Variants in TEP1 observed in about 807,000 individuals in gnomAD.
TEP1 encodes telomerase associated protein 1.
Under a neutral mutation model 306.3 loss-of-function variants are expected in TEP1, and 241 were observed. The observed-to-expected ratio is 0.79, with a 90% CI of 0.71 to 0.88. TEP1 has a LOEUF of 0.88. Among genes scored for constraint, TEP1 ranks in the 40% least tolerant of loss-of-function variants. The probability of loss-of-function intolerance (pLI) is 0.00; values close to 1 mark genes in which losing one functional copy is unlikely to be tolerated. For synonymous variants in TEP1, 1,289 were observed against 1,305.5 expected (o/e 0.99, Z 0.27); for missense variants, 3,051 against 3,276.1 (o/e 0.93, Z 1.68).
Position 20,386,513 on chromosome 14 carries a change from T to C in TEP1, c.2795A>G (p.His932Arg). The C allele has an allele frequency of 6.2e-7, 1 of 1,612,856 alleles. No homozygotes were observed. Among genetic ancestry groups the C allele is most frequent in the Non-Finnish European group, 8.5e-7 (1 of 1,179,418 alleles). The part of the protein sequence containing the change: ...LPALQARAAP[H>R]RISLHGIDLR... ...GTCGATTCCGTGAAGGCTGATACGG[T>C]GAGGGGCCGCTCGGGCCTGCAGTGC... Residue 932 changes from histidine (H) to arginine (R), a missense_variant, in exon 19 of 55, where the codon CAC becomes CGC. His to Arg is a conservative substitution (Grantham distance 29). Transcript: ENST00000262715.
In TEP1 at chr14:20,406,220, CTTGAA is replaced by C; in HGVS notation, c.735+8_735+12del. The stretch of plus-strand genomic sequence containing the variant: ...CACCATTATTAACCTTCCCCTAACT[CTTGAA>C]TTTTTACCTTCTTTTCCTGAAGGAC... On this transcript the variant is annotated splice_region_variant and intron_variant, in intron 3 of 54. Coordinates refer to ENST00000262715, the MANE Select transcript of TEP1 (RefSeq NM_007110.5). The C allele has an allele frequency of 6.2e-7, 1 of 1,613,798 alleles. No individual in the cohort carries two copies. Among genetic ancestry groups the C allele is most frequent in the South Asian group, 1.1e-5 (1 of 91,030 alleles).
intron 9 of TEP1, chr14:20,400,759 A>C: frequency 1.8e-6 from 1 of 541,362 alleles, no homozygotes. Flanking sequence ...AAACTTGTAC[A>C]TCACCTAACT....
intron 17 of TEP1, among the ~76,000 whole-genome samples, chr14:20,388,798 G>A (rs1357633850): frequency 6.6e-6 from 1 of 152,198 alleles, no homozygotes; most frequent in Non-Finnish European, 1.5e-5. Context: ...CTGTGACACT[G>A]TGTTGCTGCT....
intron 1 of TEP1, among the ~76,000 whole-genome samples, chr14:20,409,853 T>C (rs1332583545): frequency 6.6e-6 from 1 of 151,540 alleles, no homozygotes; most frequent in African/African-American, 2.4e-5. Context: ...ACCCCATCTC[T>C]ACTAAAAAAA....
At chr14:20,369,640 TC>T in intron 52 of TEP1, 33 bp downstream of exon 52, 2 of 1,612,952 alleles carry the variant, frequency 1.2e-6, no homozygotes, top group South Asian at 2.2e-5. Flanking sequence ...CTGGGCCATC[TC>T]CCGGCTCCTC....
At chr14:20,377,158 T>C in intron 41 of TEP1, 122 bp downstream of exon 41, 1 of 774,772 alleles carries the variant, frequency 1.3e-6, no homozygotes, top group Non-Finnish European at 1.9e-6. Context: ...GAAGTTGCAG[T>C]GAGCCGAGAC....
Position 20,378,399 on chromosome 14 carries a change from T to A in TEP1, c.5489A>T (p.Asp1830Val). The change falls in exon 38 of 55, where the codon GAT becomes GTT. Residue 1830 changes from aspartate to valine, a missense_variant. This residue lies in a region of TEP1 where 1,540 missense variants were observed against 1,705.9 expected (regional missense o/e 0.90). Coordinates refer to ENST00000262715, the MANE Select transcript of TEP1 (RefSeq NM_007110.5). ...TCTTACCTTGGTGACTTTGAGCCCA[T>A]CCACCTGGAAGAAGCTGATGCTGCC... ...WAGSISFFQVDGLKVTKDLGA... is the reference protein window; with the variant it reads ...WAGSISFFQVVGLKVTKDLGA... The A allele has an allele frequency of 2.5e-6, 4 of 1,614,206 alleles. No homozygotes were observed. Among genetic ancestry groups the A allele is most frequent in the Non-Finnish European group, 3.4e-6 (4 of 1,180,048 alleles).
chr14:20,380,202 T>C (rs1036412299), intron 34 of TEP1, 33 bp downstream of exon 34: 2 of 1,602,184 alleles, frequency 1.2e-6, no homozygotes, highest in East Asian at 4.5e-5. Context: ...TGCTCTCTGG[T>C]GGGCTTACTA....
At position 20,381,866 on chromosome 14, in the gene TEP1, G is replaced by C. The variant is rs1388885168; in HGVS notation, c.4424+47C>G. ...ATACAGAGGGCCCCGGCTCAAAGAA[G>C]GGAAGGCACAGAGAGGTCAGCGGGA... On this transcript the variant is annotated intron_variant, in intron 30 of 54. Coordinates refer to ENST00000262715, the MANE Select transcript of TEP1 (RefSeq NM_007110.5). This position sits in a 1 kb window ranked among gnomAD's most constrained non-coding sequence, Gnocchi z 4.0. 1.2e-6 allele frequency: 2 copies of C among 1,603,296 alleles called. No individual in the cohort carries two copies. Among genetic ancestry groups the C allele is most frequent in the African/African-American group, 2.7e-5 (2 of 74,702 alleles).
In TEP1 at chr14:20,381,143, G is replaced by A. The variant is rs1344810308; in HGVS notation, c.4648-98C>T. 8.1e-7 allele frequency: 1 copy of A among 1,240,374 alleles called. No homozygotes were observed. The highest frequency in any genetic ancestry group is 1.5e-5 in the African/African-American group (1 of 67,404). The allele number at this position is 1,240,374 out of a possible 1,614,324, so 76.8% of individuals were successfully genotyped here. A position where few individuals can be genotyped will look rare whatever the true frequency, so the allele number is the denominator to read the frequency against. On this transcript the variant is annotated intron_variant, in intron 32 of 54. Transcript: ENST00000262715. This position sits in a 1 kb window ranked among gnomAD's most constrained non-coding sequence, Gnocchi z 4.0. ...TGGATACAGAGATAGGATCTGAGCT[G>A]GGACAAAGGACTTGAAGAAGAAGGG...
At chr14:20,406,159 C>T (rs1225752371) in intron 3 of TEP1, 74 bp downstream of exon 3, 1 of 1,504,790 alleles carries the variant, frequency 6.6e-7, no homozygotes, top group East Asian at 2.3e-5. Context: ...GGGGAGGGGA[C>T]CTGGTTCAAG....
In TEP1 at chr14:20,382,103, C is replaced by T. The variant is rs536448705; in HGVS notation, c.4274-40G>A. The T allele has an allele frequency of 1.8e-4, 293 of 1,611,606 alleles. 3 individuals carry two copies. In the South Asian group the frequency reaches 2.8e-3, roughly 15 times the overall value. ...TCTCTGAGGCCCTCATCTAACCATA[C>T]GGTGTCCCCGCCCCCACCACACCCA... On this transcript the variant is annotated intron_variant, in intron 29 of 54. Transcript: ENST00000262715.
At position 20,391,714 on chromosome 14, in the gene TEP1, G is replaced by A. The variant is rs1192848247; in HGVS notation, c.1982C>T (p.Thr661Ile). The A allele has an allele frequency of 6.2e-6, 10 of 1,614,086 alleles. No individual in the cohort carries two copies. The Admixed American group carries it at 6.7e-5, about 11-fold the overall frequency. ...GTGCTTCACAGAGAGGTTCACAGCT[G>A]TCTCTAGGGCCTGTCGGTACCTGTT... is the stretch of plus-strand genomic sequence containing the variant. ...MLNRYRQALE[T>I]AVNLSVKHSL... The change falls in exon 13 of 55, where the codon ACA (threonine) becomes ATA (isoleucine). Residue 661 changes from threonine to isoleucine, a missense_variant. Physicochemically the swap from Thr to Ile is moderately conservative, Grantham distance 89. Coordinates refer to ENST00000262715, the MANE Select transcript of TEP1 (RefSeq NM_007110.5).
intron 18 of TEP1, 144 bp from the exon 19 acceptor site, chr14:20,386,767 C>G: frequency 1.1e-6 from 1 of 874,612 alleles, no homozygotes; most frequent in Non-Finnish European, 1.6e-6. Flanking sequence ...TTCAGAGAAG[C>G]ACCTGCTAGT....
At chr14:20,405,148 A>G (rs1226341556) in intron 4 of TEP1, among the ~76,000 whole-genome samples, 1 of 152,216 alleles carries the variant, frequency 6.6e-6, no homozygotes, top group African/African-American at 2.4e-5. Context: ...TTGCTTCAGA[A>G]ATGTTCACTA....
chr14:20,377,578 C>A (rs1182226844), intron 40 of TEP1, 22 bp downstream of exon 40: 3 of 1,613,870 alleles, frequency 1.9e-6, no homozygotes, highest in Admixed American at 1.7e-5. Flanking sequence ...GCTCAAAAAC[C>A]CACCCATTCC....
At chr14:20,410,751 T>C (rs1260913215) in intron 1 of TEP1, among the ~76,000 whole-genome samples, 1 of 149,274 alleles carries the variant, frequency 6.7e-6, no homozygotes, top group Non-Finnish European at 1.5e-5. Context: ...ACTCCTTTTT[T>C]TTTAAGCATG....
At chr14:20,402,192 C>T (rs1489188658) in intron 7 of TEP1, among the ~76,000 whole-genome samples, 1 of 152,146 alleles carries the variant, frequency 6.6e-6, no homozygotes, top group Non-Finnish European at 1.5e-5. Flanking sequence ...TCTGTACTCC[C>T]AGCTACTCGG....
chr14:20,404,484 G>A (rs1879011859), intron 5 of TEP1, 127 bp downstream of exon 5: 1 of 1,224,110 alleles, frequency 8.2e-7, no homozygotes, highest in African/African-American at 1.5e-5. Flanking sequence ...AAGCTGTCCT[G>A]TCTGGGCACC....
Sources: gnomAD v4.1 joint callset for allele counts (sites outside exome capture counted in the v4.1 genomes callset) on GRCh38, gnomAD v4.1.1 for gene constraint, gnomAD v4.1.1 regional missense constraint, Gnocchi (gnomAD v3.1) non-coding constraint, MANE v1.5 for transcripts, NCBI Gene and HGNC (gene_info 2026-07-23, HGNC 2026-07-21) for gene names.